MECOM: variants seen among roughly 807,000 people sequenced by gnomAD.
MECOM encodes histone-lysine N-methyltransferase MECOM.
Under a neutral mutation model 116.3 loss-of-function variants are expected in MECOM, and 13 were observed. That is an observed-to-expected ratio of 0.11 (90% CI 0.07 to 0.18). The LOEUF is 0.18. MECOM is among the 10% of genes least tolerant of loss of function. MECOM has a pLI of 1.00. For synonymous variants in MECOM, 528 were observed against 535.2 expected (o/e 0.99, Z 0.19); for missense variants, 1,299 against 1,509.0 (o/e 0.86, Z 2.31).
intron 2 of MECOM, among the ~76,000 whole-genome samples, chr3:169,247,455 G>A (rs913994079): frequency 8.6e-5 from 13 of 152,020 alleles, no homozygotes; most frequent in South Asian, 2.1e-4. Flanking sequence ...ACTGGCATGC[G>A]CCACCACCCT....
chr3:169,421,298 C>T (rs1290522097), intron 1 of MECOM, among the ~76,000 whole-genome samples: 2 of 152,112 alleles, frequency 1.3e-5, no homozygotes, highest in Non-Finnish European at 2.9e-5. Context: ...CTTTTGTGAA[C>T]ACAATTGTAC....
At chr3:169,101,572 C>A (rs1458645821) in intron 11 of MECOM, among the ~76,000 whole-genome samples, 3 of 151,378 alleles carry the variant, frequency 2.0e-5, no homozygotes, top group Non-Finnish European at 1.5e-5. Context: ...ATTTATTTAG[C>A]AAAAAAAAAT....
At chr3:169,395,641 T>TA (rs983814854) in intron 1 of MECOM, among the ~76,000 whole-genome samples, 8 of 152,148 alleles carry the variant, frequency 5.3e-5, no homozygotes, top group African/African-American at 1.7e-4. Context: ...AAAAAAGGAA[T>TA]AAAAAACAAA....
chr3:169,385,612 C>G (rs1733196145), intron 1 of MECOM, among the ~76,000 whole-genome samples: 4 of 152,264 alleles, frequency 2.6e-5, no homozygotes, highest in Admixed American at 2.6e-4. Flanking sequence ...TGCAGTTTAT[C>G]ACACCACATT....
At chr3:169,370,456 T>A (rs1193964400) in intron 2 of MECOM, among the ~76,000 whole-genome samples, 1 of 151,964 alleles carries the variant, frequency 6.6e-6, no homozygotes, top group African/African-American at 2.4e-5. Context: ...CTCCATGACA[T>A]TGGTCTTGGC....
At chr3:169,593,888 G>A (rs1655873964) in intron 1 of MECOM, among the ~76,000 whole-genome samples, 1 of 152,138 alleles carries the variant, frequency 6.6e-6, no homozygotes, top group Admixed American at 6.5e-5. Context: ...GGACACCAAA[G>A]CAGGCAGATC....
At chr3:169,184,057 G>T (rs146025139) in intron 2 of MECOM, among the ~76,000 whole-genome samples, 1 of 151,878 alleles carries the variant, frequency 6.6e-6, no homozygotes, top group African/African-American at 2.4e-5. Context: ...GTAGAGACGC[G>T]ATTTCACCAC....
intron 2 of MECOM, chr3:169,145,003 C>T: frequency 1.3e-6 from 2 of 1,561,566 alleles, no homozygotes; most frequent in East Asian, 4.7e-5. Flanking sequence ...TCACCATATA[C>T]TTCAAGAAAA....
At position 169,663,692 on chromosome 3, in the gene MECOM, A is replaced by C; in HGVS notation, c.-320T>G. Reference sequence around the variant, plus strand: ...GGACACCTTCGCACATGCGCGCTAGACGCCCCTCCAACATCTCAGCGCCGC... The same window carrying C: ...GGACACCTTCGCACATGCGCGCTAGCCGCCCCTCCAACATCTCAGCGCCGC... On this transcript the variant is annotated 5_prime_UTR_variant, in exon 1 of 17. Transcript: ENST00000651503. 2.8e-6 allele frequency: 1 copy of C among 361,360 alleles called. No homozygotes were observed. Among genetic ancestry groups the C allele is most frequent in the Non-Finnish European group, 4.9e-6 (1 of 202,490 alleles). 22.4% of individuals were successfully genotyped at this position (361,360 alleles called of 1,614,324 possible).
rs1259772810 is a variant in MECOM at position 169,378,498 on chromosome 3, A to C, written c.375+2689T>G. ...GCAAGAAAGAGAGAGAGAAAGAAAG[A>C]AAGAAAGAAAGAAAGAAAAGAAAGA... is the stretch of plus-strand genomic sequence containing the variant. On this transcript the variant is annotated intron_variant, in intron 2 of 16. Coordinates refer to ENST00000651503, the MANE Select transcript of MECOM (RefSeq NM_004991.4). 1.3e-3 allele frequency among the ~76,000 whole-genome samples: 45 copies of C among 35,328 alleles called. 4 individuals are homozygous for C. The highest frequency in any genetic ancestry group is 5.8e-3 in the African/African-American group (21 of 3,598). The allele number at this position is 35,328 out of a possible 152,430, so 23.2% of individuals were successfully genotyped here. A position where few individuals can be genotyped will look rare whatever the true frequency, so the allele number is the denominator to read the frequency against.
At chr3:169,251,685 A>C (rs932819642) in intron 2 of MECOM, among the ~76,000 whole-genome samples, 1 of 152,194 alleles carries the variant, frequency 6.6e-6, no homozygotes, top group Non-Finnish European at 1.5e-5. Context: ...TGTCTCCAGC[A>C]TGAAATGTGG....
chr3:169,636,501 A>G (rs1422998512), intron 1 of MECOM, among the ~76,000 whole-genome samples: 1 of 152,230 alleles, frequency 6.6e-6, no homozygotes, highest in Non-Finnish European at 1.5e-5. Flanking sequence ...CAGAAATCTC[A>G]ACCGCCTGGG....
intron 1 of MECOM, among the ~76,000 whole-genome samples, chr3:169,556,447 G>C (rs1762042239): frequency 1.3e-5 from 2 of 152,130 alleles, no homozygotes; most frequent in Admixed American, 6.5e-5. Flanking sequence ...ATTTCAAGCA[G>C]ATCTTCATAA....
chr3:169,405,165 T>C (rs1479710150), intron 1 of MECOM, among the ~76,000 whole-genome samples: 1 of 152,210 alleles, frequency 6.6e-6, no homozygotes, highest in Admixed American at 6.5e-5. Flanking sequence ...GGGTTTTTTC[T>C]CTATCATCTA....
At chr3:169,646,242 G>T (rs1177048480) in intron 1 of MECOM, among the ~76,000 whole-genome samples, 2 of 149,280 alleles carry the variant, frequency 1.3e-5, no homozygotes, top group African/African-American at 4.9e-5. Flanking sequence ...CTCACTCATA[G>T]GTGTGAATTG....
At chr3:169,512,248 T>TA (rs1050930882) in intron 1 of MECOM, among the ~76,000 whole-genome samples, 1 of 152,148 alleles carries the variant, frequency 6.6e-6, no homozygotes, top group African/African-American at 2.4e-5. Context: ...CACCCTACCA[T>TA]ACCCTGAGGC....
chr3:169,606,793 G>A lies in MECOM; in HGVS notation c.37+56543C>T, dbSNP rs76167845. 6.6e-3 allele frequency among the ~76,000 whole-genome samples: 1,005 copies of A among 152,236 alleles called. 10 individuals are homozygous for A. Among genetic ancestry groups the A allele is most frequent in the African/African-American group, 0.023 (941 of 41,530 alleles). On this transcript the variant is annotated intron_variant, in intron 1 of 16. Transcript: ENST00000651503. ...CCATCCATCTACTTTCCCACCTGCA[G>A]GAAGGGAGAAAAGAGGGGAAGGTGG...
chr3:169,533,571 T>C (rs1282330332), intron 1 of MECOM, among the ~76,000 whole-genome samples: 1 of 126,714 alleles, frequency 7.9e-6, no homozygotes, highest in African/African-American at 3.5e-5. Flanking sequence ...AATGACCCAG[T>C]GCTGATTTTT....
At chr3:169,178,139 T>C (rs1400743978) in intron 2 of MECOM, among the ~76,000 whole-genome samples, 2 of 151,894 alleles carry the variant, frequency 1.3e-5, no homozygotes, top group Non-Finnish European at 1.5e-5. Context: ...TCAATAAATA[T>C]TGAAAGAAGG....
Sources: allele counts gnomAD v4.1 joint callset (sites outside exome capture counted in the v4.1 genomes callset), GRCh38; gene constraint gnomAD v4.1.1; transcripts MANE v1.5; gene names NCBI Gene and HGNC (gene_info 2026-07-23, HGNC 2026-07-21).